ACTL8: variants seen among roughly 807,000 people sequenced by gnomAD.
ACTL8 encodes the protein actin-like protein 8.
Under a neutral mutation model 9.3 loss-of-function variants are expected in ACTL8, and 3 were observed. The ratio of observed to expected loss-of-function variants is 0.32; its 90% confidence interval spans 0.15 to 0.83. ACTL8 has a LOEUF of 0.83. Among genes scored for constraint, ACTL8 ranks in the 40% least tolerant of loss-of-function variants. The probability of loss-of-function intolerance (pLI) is 0.57; values close to 1 mark genes in which losing one functional copy is unlikely to be tolerated. For synonymous variants in ACTL8, 224 were observed against 205.9 expected (o/e 1.09, Z -0.75); for missense variants, 381 against 492.2 (o/e 0.77, Z 2.14).
At chr1:17,792,872 A>G (rs768585075) in intron 1 of ACTL8, among the ~76,000 whole-genome samples, 4 of 152,242 alleles carry the variant, frequency 2.6e-5, no homozygotes, top group African/African-American at 4.8e-5. Flanking sequence ...TGAAGATCCC[A>G]GAGAACTAGA....
chr1:17,811,934 G>A (rs566992), intron 1 of ACTL8, among the ~76,000 whole-genome samples: 4 of 150,514 alleles, frequency 2.7e-5, no homozygotes, highest in Non-Finnish European at 5.9e-5. Flanking sequence ...ATGATCTGAT[G>A]TCAGCTCACT....
At chr1:17,799,513 T>C (rs1175021540) in intron 1 of ACTL8, among the ~76,000 whole-genome samples, 1 of 152,164 alleles carries the variant, frequency 6.6e-6, no homozygotes, top group African/African-American at 2.4e-5. Flanking sequence ...TTTTAGATGT[T>C]GCTAGTATCA....
At chr1:17,811,270 C>A (rs1040507358) in intron 1 of ACTL8, among the ~76,000 whole-genome samples, 1 of 152,106 alleles carries the variant, frequency 6.6e-6, no homozygotes, top group Non-Finnish European at 1.5e-5. Flanking sequence ...AATCTTTGGC[C>A]CATCTTTGGA....
intron 1 of ACTL8, among the ~76,000 whole-genome samples, chr1:17,781,375 G>C (rs1342778822): frequency 6.6e-6 from 1 of 151,858 alleles, no homozygotes; most frequent in African/African-American, 2.4e-5. Context: ...TGAGTAGCTG[G>C]GATTATAGTG....
At chr1:17,775,788 C>G (rs2066114954) in intron 1 of ACTL8, among the ~76,000 whole-genome samples, 1 of 152,242 alleles carries the variant, frequency 6.6e-6, no homozygotes, top group Admixed American at 6.5e-5. Context: ...CCTCTCCTCC[C>G]CCATCCTCCT....
At position 17,825,860 on chromosome 1, in the gene ACTL8, G is replaced by A; in HGVS notation, c.442G>A (p.Val148Ile). Residue 148 changes from valine to isoleucine, a missense_variant, in exon 3 of 3, where the codon GTT becomes ATT. Val to Ile is a conservative substitution (Grantham distance 29, BLOSUM62 3). Around this residue, in one of 3 missense-constraint regions of ACTL8, gnomAD observed 13 missense variants for 35.4 expected, o/e 0.37. Transcript: ENST00000375406. ...CTCTGGCCTCCTGACCGGAGTGGTGGTTGATTCTGGCTATGGCCTGACCCG... is the reference window on the plus strand; with the variant it reads ...CTCTGGCCTCCTGACCGGAGTGGTGATTGATTCTGGCTATGGCCTGACCCG... The part of the protein sequence containing the change: ...YASGLLTGVV[V>I]DSGYGLTRVQ... The A allele has an allele frequency of 1.2e-6, 2 of 1,614,048 alleles. No homozygotes were observed. Among genetic ancestry groups the A allele is most frequent in the East Asian group, 4.5e-5 (2 of 44,876 alleles).
intron 1 of ACTL8, among the ~76,000 whole-genome samples, chr1:17,810,176 C>T (rs1171825009): frequency 6.6e-6 from 1 of 152,178 alleles, no homozygotes; most frequent in African/African-American, 2.4e-5. Context: ...TGCTGTCTCC[C>T]ATATCTCTCC....
chr1:17,799,618 C>G (rs2066306047), intron 1 of ACTL8, among the ~76,000 whole-genome samples: 1 of 151,842 alleles, frequency 6.6e-6, no homozygotes, highest in Non-Finnish European at 1.5e-5. Context: ...TTTCTCTGGC[C>G]TTAGAAATTG....
At chr1:17,756,242 C>T (rs1157480179) in intron 1 of ACTL8, among the ~76,000 whole-genome samples, 2 of 152,034 alleles carry the variant, frequency 1.3e-5, no homozygotes, top group African/African-American at 2.4e-5. Context: ...GGGGCCTCTT[C>T]TTGGGAACTT....
chr1:17,766,406 G>A (rs548855415), intron 1 of ACTL8, among the ~76,000 whole-genome samples: 5 of 152,134 alleles, frequency 3.3e-5, no homozygotes, highest in African/African-American at 1.2e-4. Context: ...GCTCAAACCC[G>A]GGTCTTCTGC....
intron 1 of ACTL8, among the ~76,000 whole-genome samples, chr1:17,797,029 C>T (rs984990858): frequency 1.3e-5 from 2 of 152,156 alleles, no homozygotes; most frequent in Non-Finnish European, 2.9e-5. Context: ...GGTATCCACA[C>T]TCCTAGCATG....
intron 1 of ACTL8, among the ~76,000 whole-genome samples, chr1:17,802,376 G>T (rs1451857366): frequency 6.6e-6 from 1 of 151,992 alleles, no homozygotes; most frequent in Admixed American, 6.5e-5. Flanking sequence ...GGAGTCAGGA[G>T]TTGCATCGTG....
At chr1:17,785,390 A>AG (rs1309825166) in intron 1 of ACTL8, among the ~76,000 whole-genome samples, 1 of 152,222 alleles carries the variant, frequency 6.6e-6, no homozygotes, top group Non-Finnish European at 1.5e-5. Flanking sequence ...TTGACTGGAA[A>AG]GGTTCCATTC....
At chr1:17,822,540 C>T (rs1428516210) in intron 1 of ACTL8, among the ~76,000 whole-genome samples, 1 of 152,148 alleles carries the variant, frequency 6.6e-6, no homozygotes, top group Non-Finnish European at 1.5e-5. Context: ...ATTGTTATTA[C>T]TGAAGGTGGT....
In ACTL8 at chr1:17,758,730, G is replaced by T. The variant is rs183256427; in HGVS notation, c.-25+3226G>T. ...CATAAGTCAAAGTGGGGCTTGTGAT[G>T]GTCAGGGATAGAGTCTTAGCTGTAG... is the stretch of plus-strand genomic sequence containing the variant. On this transcript the variant is annotated intron_variant, in intron 1 of 2. Transcript: ENST00000375406. Among the ~76,000 whole-genome samples the T allele has an allele frequency of 8.5e-5, 13 of 152,306 alleles. 1 individual carries two copies. The highest frequency in any genetic ancestry group is 5.2e-4 in the Admixed American group (8 of 15,304).
chr1:17,824,617 T>C (rs2053698790), intron 2 of ACTL8, among the ~76,000 whole-genome samples: 1 of 152,226 alleles, frequency 6.6e-6, no homozygotes, highest in African/African-American at 2.4e-5. Flanking sequence ...TGTCTTAGTA[T>C]TTAAGTATGT....
At chr1:17,788,202 T>A (rs1181830300) in intron 1 of ACTL8, among the ~76,000 whole-genome samples, 1 of 152,246 alleles carries the variant, frequency 6.6e-6, no homozygotes, top group African/African-American at 2.4e-5. Flanking sequence ...TCATTTTGTT[T>A]ATGATATCCT....
intron 1 of ACTL8, among the ~76,000 whole-genome samples, chr1:17,762,209 C>A (rs2066011097): frequency 1.3e-5 from 2 of 152,100 alleles, no homozygotes; most frequent in Admixed American, 1.3e-4. Flanking sequence ...CGAATAATCC[C>A]ATCCCAGAGA....
intron 1 of ACTL8, among the ~76,000 whole-genome samples, chr1:17,755,998 T>G (rs890781494): frequency 1.3e-5 from 2 of 152,018 alleles, no homozygotes; most frequent in African/African-American, 4.8e-5. Context: ...GCTCTTTTTT[T>G]GAGGACGTTT....
Sources: allele counts gnomAD v4.1 joint callset (sites outside exome capture counted in the v4.1 genomes callset), GRCh38; gene constraint gnomAD v4.1.1; regional missense constraint gnomAD v4.1.1; transcripts MANE v1.5; gene names NCBI Gene and HGNC (gene_info 2026-07-23, HGNC 2026-07-21).